SASH1: variants seen among roughly 807,000 people sequenced by gnomAD.
The protein encoded by SASH1 is SAM and SH3 domain-containing protein 1.
A neutral mutation model predicts 125.2 loss-of-function variants in SASH1; 44 were observed. The observed-to-expected ratio is 0.35, with a 90% CI of 0.28 to 0.45. The LOEUF (loss-of-function observed/expected upper bound fraction) is 0.45. SASH1 is among the 20% of genes least tolerant of loss of function. SASH1 has a pLI of 1.00. For synonymous variants in SASH1, 639 were observed against 649.1 expected, an observed-to-expected ratio of 0.98 and a Z score of 0.24; for missense variants, 1,426 against 1,614.5, an observed-to-expected ratio of 0.88 and a Z score of 2.00.
intron 4 of SASH1, among the ~76,000 whole-genome samples, chr6:148,465,976 C>T (rs1204092405): frequency 2.0e-5 from 3 of 152,140 alleles, no homozygotes; most frequent in Non-Finnish European, 4.4e-5. Context: ...CCCCTTCCTT[C>T]GTGTTCATCC....
chr6:148,503,212 T>C (rs1779631495), intron 8 of SASH1, among the ~76,000 whole-genome samples: 1 of 152,204 alleles, frequency 6.6e-6, no homozygotes, highest in South Asian at 2.1e-4. Flanking sequence ...CCTGAGATTT[T>C]AAAACGATAC....
chr6:148,357,434 A>G (rs993586811), intron 1 of SASH1, among the ~76,000 whole-genome samples: 2 of 152,186 alleles, frequency 1.3e-5, no homozygotes, highest in Admixed American at 1.3e-4. Flanking sequence ...GACCAGACCC[A>G]GATGGATTTG....
At chr6:148,359,487 G>A (rs1782103314) in intron 1 of SASH1, among the ~76,000 whole-genome samples, 1 of 152,126 alleles carries the variant, frequency 6.6e-6, no homozygotes, top group East Asian at 1.9e-4. Context: ...CAGATGTGGA[G>A]TTGCTTCTTA....
chr6:148,338,384 G>A (rs944563405), upstream of SASH1, among the ~76,000 whole-genome samples: 4 of 148,226 alleles, frequency 2.7e-5, no homozygotes, highest in Admixed American at 2.7e-4. Context: ...CCAAGATCAC[G>A]CCACTGCACT....
intron 2 of SASH1, 107 bp from the exon 3 acceptor site, chr6:148,440,077 A>C: frequency 9.8e-7 from 1 of 1,017,460 alleles, no homozygotes; most frequent in African/African-American, 1.6e-5. Context: ...CCCACTCTAT[A>C]CCCCAACCTT....
intron 1 of SASH1, among the ~76,000 whole-genome samples, chr6:148,311,795 C>A (rs1243988813): frequency 1.3e-5 from 2 of 152,044 alleles, no homozygotes; most frequent in African/African-American, 2.4e-5. Context: ...GGCGACAGGG[C>A]AAGACCTTGT....
intron 1 of SASH1, among the ~76,000 whole-genome samples, chr6:148,311,288 G>A (rs1780323396): frequency 6.6e-6 from 1 of 151,528 alleles, no homozygotes; most frequent in African/African-American, 2.4e-5. Context: ...TTTATTTTTA[G>A]TAGAGACAGG....
At chr6:148,208,328 T>G in the SASH1 span, among the ~76,000 whole-genome samples, 1 of 152,152 alleles carries the variant, frequency 6.6e-6, no homozygotes, top group Non-Finnish European at 1.5e-5. Context: ...TAAAAAGAGA[T>G]GCATAGGACA....
chr6:148,494,448 G>A (rs375895494), intron 8 of SASH1, among the ~76,000 whole-genome samples: 4 of 152,090 alleles, frequency 2.6e-5, no homozygotes, highest in African/African-American at 9.7e-5. Context: ...GCAAGTCATC[G>A]TTTCATAACT....
intron 2 of SASH1, among the ~76,000 whole-genome samples, chr6:148,437,623 G>T (rs1470366564): frequency 6.6e-6 from 1 of 152,234 alleles, no homozygotes; most frequent in Non-Finnish European, 1.5e-5. Context: ...GCTGAGGAAT[G>T]GCTTGAGCTC....
At chr6:148,463,912 C>T (rs1277150758) in intron 4 of SASH1, among the ~76,000 whole-genome samples, 1 of 152,170 alleles carries the variant, frequency 6.6e-6, no homozygotes, top group Non-Finnish European at 1.5e-5. Context: ...ACTCTGCAGT[C>T]GCCCTTCTTG....
chr6:148,352,993 AT>A (rs1781791077), intron 1 of SASH1, among the ~76,000 whole-genome samples: 1 of 152,192 alleles, frequency 6.6e-6, no homozygotes, highest in Admixed American at 6.6e-5. Context: ...GTGAGTTATT[AT>A]TAACTACTAA....
At chr6:148,447,817 G>T (rs554601325) in intron 4 of SASH1, among the ~76,000 whole-genome samples, 2 of 151,844 alleles carry the variant, frequency 1.3e-5, no homozygotes, top group South Asian at 4.1e-4. Flanking sequence ...CTTGCTATGT[G>T]CTCCCTAGGC....
At chr6:148,472,327 C>T (rs1413578814) in intron 6 of SASH1, among the ~76,000 whole-genome samples, 1 of 152,042 alleles carries the variant, frequency 6.6e-6, no homozygotes, top group African/African-American at 2.4e-5. Flanking sequence ...TCACAGCACA[C>T]CTGGGTTCCT....
chr6:148,250,158 G>GA, the SASH1 span, among the ~76,000 whole-genome samples: 6 of 152,282 alleles, frequency 3.9e-5, no homozygotes, highest in East Asian at 5.8e-4. Context: ...TCAGAGACAA[G>GA]AAAGGTGCAG....
At chr6:148,200,330 T>C in the SASH1 span, among the ~76,000 whole-genome samples, 1 of 152,256 alleles carries the variant, frequency 6.6e-6, no homozygotes, top group Non-Finnish European at 1.5e-5. Flanking sequence ...CTGTCTTGAA[T>C]ATGTTAAAAT....
chr6:148,216,912 G>C, the SASH1 span, among the ~76,000 whole-genome samples: 1 of 151,900 alleles, frequency 6.6e-6, no homozygotes, highest in Non-Finnish European at 1.5e-5. Context: ...GTTTTTAGTA[G>C]AGACGGGTTT....
intron 1 of SASH1, among the ~76,000 whole-genome samples, chr6:148,329,964 T>C (rs1780942886): frequency 6.6e-6 from 1 of 152,134 alleles, no homozygotes; most frequent in Non-Finnish European, 1.5e-5. Context: ...GGCATTTCCA[T>C]GAAAGACAGA....
At chr6:148,275,572 G>A (rs760046810) in intron 1 of SASH1, among the ~76,000 whole-genome samples, 13 of 152,142 alleles carry the variant, frequency 8.5e-5, no homozygotes, top group Non-Finnish European at 1.6e-4. Context: ...TTTGCAGACA[G>A]CTTCAAGTGG....
Sources: allele counts gnomAD v4.1 joint callset (sites outside exome capture counted in the v4.1 genomes callset), GRCh38; gene constraint gnomAD v4.1.1; transcripts MANE v1.5; gene names NCBI Gene and HGNC (gene_info 2026-07-23, HGNC 2026-07-21).